The following NAT10 variants were observed in gnomAD, a reference collection of about 807,000 sequenced individuals.
The protein encoded by NAT10 is N-acetyltransferase 10.
A neutral mutation model predicts 132.2 loss-of-function variants in NAT10; 109 were observed. The observed-to-expected ratio is 0.82, with a 90% CI of 0.71 to 0.97. NAT10 has a LOEUF of 0.97. NAT10 is among the 50% of genes least tolerant of loss of function. The probability of loss-of-function intolerance (pLI) is 0.00; values close to 1 mark genes in which losing one functional copy is unlikely to be tolerated. For missense variants in NAT10, 1,184 were observed against 1,263.4 expected, an observed-to-expected ratio of 0.94 and a Z score of 0.95; for synonymous variants, 479 against 478.0, an observed-to-expected ratio of 1.00 and a Z score of -0.03.
intron 8 of NAT10, among the ~76,000 whole-genome samples, chr11:34,120,807 T>C (rs1388355799): frequency 2.6e-5 from 4 of 152,070 alleles, no homozygotes; most frequent in Non-Finnish European, 5.9e-5. Flanking sequence ...CAAAGAGGGA[T>C]AGGGCATGCC....
At chr11:34,121,882 AG>A (rs1851900638) in intron 8 of NAT10, among the ~76,000 whole-genome samples, 2 of 144,504 alleles carry the variant, frequency 1.4e-5, no homozygotes, top group African/African-American at 5.2e-5. Flanking sequence ...AAAAAAAAAA[AG>A]GTCTGGTGTG....
chr11:34,134,317 A>C lies in NAT10; in HGVS notation c.1735-2A>C, dbSNP rs1852166579. 1.2e-6 allele frequency: 2 copies of C among 1,613,750 alleles called. No individual in the cohort carries two copies. Among genetic ancestry groups the C allele is most frequent in the East Asian group, 2.2e-5 (1 of 44,890 alleles). ...GCCTGCACTGTCCTGCTTCCCCCAC[A>C]GGTGTGCCTTGAAGGGGAGATTTCT... On this transcript the variant is annotated splice_acceptor_variant, in intron 16 of 28. Transcript: ENST00000257829. LOFTEE classifies it high-confidence loss of function.
At position 34,135,286 on chromosome 11, in the gene NAT10, A is replaced by G; in HGVS notation, c.2023A>G (p.Ser675Gly). ...ETPQEIHTVS[S>G]EAVSLLEEVI... The stretch of plus-strand genomic sequence containing the variant: ...ACCACAGGAAATTCACACCGTAAGC[A>G]GCGAGGTAAGCATCTTTCGACAGAC... Residue 675 changes from serine to glycine, a missense_variant, in exon 19 of 29, where the codon AGC becomes GGC. Physicochemically the swap from Ser to Gly is moderately conservative, Grantham distance 56. Coordinates refer to ENST00000257829, the MANE Select transcript of NAT10 (RefSeq NM_024662.3). 4 of 1,613,764 alleles carry G rather than the reference A, an allele frequency of 2.5e-6. No individual in the cohort carries two copies. The highest frequency in any genetic ancestry group is 3.4e-6 in the Non-Finnish European group (4 of 1,179,654).
chr11:34,133,888 C>T (rs1852153345), intron 16 of NAT10, among the ~76,000 whole-genome samples: 1 of 151,806 alleles, frequency 6.6e-6, no homozygotes, highest in Non-Finnish European at 1.5e-5. Flanking sequence ...CGCCATGGCT[C>T]ACGCCTGTAA....
chr11:34,118,492 ACT>A lies in NAT10; in HGVS notation c.772_773del (p.Leu258ArgfsTer15). ...GGGTGTGTTGGTGGACTGCTGTAAG[ACT>A]CTAGACCAGGTGAGTGTGGTGCTCA... ...PVGVLVDCCK[T>X]LDQAKAVLKF... On this transcript the variant is annotated frameshift_variant, in exon 8 of 29. Coordinates refer to ENST00000257829, the MANE Select transcript of NAT10 (RefSeq NM_024662.3). LOFTEE classifies it high-confidence loss of function. 2 of 1,613,368 alleles carry A rather than the reference ACT, an allele frequency of 1.2e-6. No individual in the cohort carries two copies. The highest frequency in any genetic ancestry group is 1.7e-6 in the Non-Finnish European group (2 of 1,179,656).
Position 34,133,088 on chromosome 11 carries a change from G to A in NAT10, c.1680G>A (p.Leu560=). 1 of 1,613,144 alleles carries A rather than the reference G, an allele frequency of 6.2e-7. No homozygotes were observed. Among genetic ancestry groups the A allele is most frequent in the Non-Finnish European group, 8.5e-7 (1 of 1,179,218 alleles). ...CTGCTCACCATCTCTTCTGCCTTCTGCCTCCCGTGCCCCCCACCCAGAATG... is the reference window on the plus strand; with the variant it reads ...CTGCTCACCATCTCTTCTGCCTTCTACCTCCCGTGCCCCCCACCCAGAATG... ...DAPAHHLFCL[L]PPVPPTQNAL... is the part of the protein sequence containing the mutation. Residue 560 remains leucine, a synonymous_variant, in exon 16 of 29, where the codon CTG becomes CTA. Coordinates refer to ENST00000257829, the MANE Select transcript of NAT10 (RefSeq NM_024662.3).
intron 25 of NAT10, 147 bp from the exon 26 acceptor site, chr11:34,141,572 C>G: frequency 2.8e-6 from 2 of 718,332 alleles, no homozygotes; most frequent in Non-Finnish European, 4.6e-6. Flanking sequence ...GCTCTTCCCG[C>G]TAATATCCAC....
At chr11:34,118,763 A>G (rs1036570852) in intron 8 of NAT10, among the ~76,000 whole-genome samples, 1 of 152,038 alleles carries the variant, frequency 6.6e-6, no homozygotes, top group Admixed American at 6.5e-5. Context: ...TATTTTTTAA[A>G]AGACGGAGTC....
At chr11:34,132,096 T>A (rs957976670) in intron 14 of NAT10, 29 bp from the exon 15 acceptor site, 4 of 1,532,620 alleles carry the variant, frequency 2.6e-6, no homozygotes, top group African/African-American at 1.4e-5. Flanking sequence ...GCTATTTGTT[T>A]TGTTTTGGTT....
intron 4 of NAT10, among the ~76,000 whole-genome samples, chr11:34,113,230 A>G (rs1367654869): frequency 1.3e-5 from 2 of 152,188 alleles, no homozygotes; most frequent in Non-Finnish European, 2.9e-5. Context: ...AAAATGTAAG[A>G]TGTTTCTGAA....
intron 16 of NAT10, 62 bp from the exon 17 acceptor site, chr11:34,134,257 C>T: frequency 2.1e-6 from 3 of 1,405,750 alleles, no homozygotes; most frequent in South Asian, 2.3e-5. Flanking sequence ...AAGCTATATT[C>T]TGTGAGTGGG....
chr11:34,114,621 C>T (rs1445809448), intron 5 of NAT10, among the ~76,000 whole-genome samples: 2 of 152,274 alleles, frequency 1.3e-5, no homozygotes, highest in Non-Finnish European at 2.9e-5. Context: ...GCGAGGGCCT[C>T]GGCACTTGCT....
At chr11:34,142,861 G>T (rs1304291327) in intron 27 of NAT10, among the ~76,000 whole-genome samples, 3 of 152,192 alleles carry the variant, frequency 2.0e-5, no homozygotes, top group Non-Finnish European at 4.4e-5. Context: ...TGGCCTCTGA[G>T]CCTCTGTGAC....
chr11:34,118,275 C>T lies in NAT10; in HGVS notation c.653C>T (p.Ala218Val), dbSNP rs1851819824. The T allele has an allele frequency of 3.1e-6, 5 of 1,614,082 alleles. No homozygotes were observed. Among genetic ancestry groups the T allele is most frequent in the South Asian group, 1.1e-5 (1 of 91,082 alleles). Residue 218 changes from alanine (A) to valine (V), a missense_variant, in exon 7 of 29, where the codon GCC (alanine) becomes GTC (valine). Physicochemically the swap from Ala to Val is moderately conservative, Grantham distance 64 (BLOSUM62 0). Transcript: ENST00000257829. ...TCCTCCCACGTTGCCACCATGGAGG[C>T]CCTGCCTCCCCAGACTCCGGTGAGT... ...PISSHVATME[A>V]LPPQTPDESL...
In NAT10 at chr11:34,113,806, AACTC is replaced by A; in HGVS notation, c.469_472del (p.Leu157SerfsTer6). 6.2e-7 allele frequency: 1 copy of A among 1,614,104 alleles called. No individual in the cohort carries two copies. The highest frequency in any genetic ancestry group is 8.5e-7 in the Non-Finnish European group (1 of 1,179,978). On this transcript the variant is annotated frameshift_variant, in exon 5 of 29. Transcript: ENST00000257829. LOFTEE classifies it high-confidence loss of function. The stretch of plus-strand genomic sequence containing the variant: ...AGTGGTCATCCTCCTACGGACCATG[AACTC>A]ACTCAAGCAATTGTACACAGTGACT...
chr11:34,114,099 T>C (rs1851745291), intron 5 of NAT10, among the ~76,000 whole-genome samples: 1 of 152,238 alleles, frequency 6.6e-6, no homozygotes, highest in Non-Finnish European at 1.5e-5. Context: ...TCAGATATGA[T>C]ACAGCTTTTA....
chr11:34,135,105 G>A, intron 18 of NAT10, 70 bp from the exon 19 acceptor site: 1 of 1,201,484 alleles, frequency 8.3e-7, no homozygotes, highest in Non-Finnish European at 1.2e-6. Flanking sequence ...GCAATGCAGG[G>A]GAGTCACTGT....
At chr11:34,139,911 CA>C (rs1291035050) in intron 23 of NAT10, among the ~76,000 whole-genome samples, 1 of 152,006 alleles carries the variant, frequency 6.6e-6, no homozygotes, top group Admixed American at 6.5e-5. Flanking sequence ...ACTTAAAAAA[CA>C]AAAAATGTGT....
At chr11:34,129,116 G>T (rs1852053365) in intron 12 of NAT10, among the ~76,000 whole-genome samples, 1 of 152,196 alleles carries the variant, frequency 6.6e-6, no homozygotes, top group Non-Finnish European at 1.5e-5. Context: ...TTAGCGTGCA[G>T]ATTTTTGCGT....
Sources: allele counts gnomAD v4.1 joint callset (sites outside exome capture counted in the v4.1 genomes callset), GRCh38; gene constraint gnomAD v4.1.1; transcripts MANE v1.5; gene names NCBI Gene and HGNC (gene_info 2026-07-23, HGNC 2026-07-21).